The following SCN2A variants were observed in gnomAD, a reference collection of about 807,000 sequenced individuals.
SCN2A encodes the protein sodium channel protein type 2 subunit alpha.
In SCN2A, 20 loss-of-function variants were observed where a neutral mutation model predicts 188.7. The ratio of observed to expected loss-of-function variants is 0.11; its 90% CI spans 0.07 to 0.15. The LOEUF is 0.15. Among genes scored for constraint, SCN2A ranks in the 10% least tolerant of loss-of-function variants. The pLI is 1.00. For missense variants in SCN2A, 1,278 were observed against 2,445.0 expected, an observed-to-expected ratio of 0.52 and a Z score of 10.07; for synonymous variants, 804 against 833.1, an observed-to-expected ratio of 0.97 and a Z score of 0.60.
chr2:165,295,712 A>C, intron 1 of SCN2A, 61 bp from the exon 2 acceptor site: 1 of 1,482,730 alleles, frequency 6.7e-7, no homozygotes, highest in Non-Finnish European at 9.3e-7. Context: ...GTGTCATGTA[A>C]CTGACACAAT....
intron 8 of SCN2A, among the ~76,000 whole-genome samples, chr2:165,312,808 G>T (rs747427866): frequency 2.0e-5 from 3 of 152,118 alleles, no homozygotes; most frequent in Non-Finnish European, 4.4e-5. Context: ...ACACACAAAA[G>T]TCTAATGCAC....
chr2:165,370,169 C>A lies in SCN2A; in HGVS notation c.3719C>A (p.Thr1240Asn). 6.2e-7 allele frequency: 1 copy of A among 1,614,024 alleles called. No individual in the cohort carries two copies. The highest frequency in any genetic ancestry group is 8.5e-7 in the Non-Finnish European group (1 of 1,179,966). The stretch of plus-strand genomic sequence containing the variant: ...ATTGAGCAGCGAAAAACCATTAAGA[C>A]CATGTTAGAATATGCTGACAAGGTT... ...IYIEQRKTIK[T>N]MLEYADKVFT... Residue 1240 changes from threonine (T) to asparagine (N), a missense_variant, in exon 20 of 27, where the codon ACC becomes AAC. By Grantham distance (65) the Thr-to-Asn change is moderately conservative. Around this residue, in one of 17 missense-constraint regions of SCN2A, gnomAD observed 228 missense variants for 297.3 expected, o/e 0.77. Transcript: ENST00000375437.
chr2:165,345,432 C>T (rs552634045), intron 16 of SCN2A, among the ~76,000 whole-genome samples: 1 of 152,226 alleles, frequency 6.6e-6, no homozygotes, highest in South Asian at 2.1e-4. Context: ...GGATAGTTAG[C>T]TCTTCTTGTT....
At chr2:165,350,681 C>T (rs897583792) in intron 16 of SCN2A, among the ~76,000 whole-genome samples, 1 of 82,264 alleles carries the variant, frequency 1.2e-5, no homozygotes, top group African/African-American at 5.2e-5. Flanking sequence ...ACCGTTTTAG[C>T]CGGGATGGTC....
rs146529633 is a variant in SCN2A at position 165,356,381 on chromosome 2, T to A, written c.3399+1710T>A. Among the ~76,000 whole-genome samples, 592 of 152,302 alleles carry A rather than the reference T, an allele frequency of 3.9e-3. 6 individuals carry two copies. The East Asian group carries it at 0.049, about 13-fold the overall frequency. On this transcript the variant is annotated intron_variant, in intron 17 of 26. Coordinates refer to ENST00000375437, the MANE Select transcript of SCN2A (RefSeq NM_001040142.2). Reference sequence around the variant, plus strand: ...AAATTTTGAACAAGTGTTGTTACAATAGTTGGGTTATGCTGGAAGGGTGGA... The same window carrying A: ...AAATTTTGAACAAGTGTTGTTACAAAAGTTGGGTTATGCTGGAAGGGTGGA...
intron 17 of SCN2A, among the ~76,000 whole-genome samples, chr2:165,363,286 C>G (rs1311889764): frequency 7.9e-5 from 12 of 152,036 alleles, no homozygotes; most frequent in Admixed American, 7.9e-4. Context: ...TTTGCAGAAC[C>G]CTGAATATGG....
At chr2:165,254,157 A>G (rs1451677292) in intron 1 of SCN2A, among the ~76,000 whole-genome samples, 2 of 151,798 alleles carry the variant, frequency 1.3e-5, no homozygotes, top group African/African-American at 4.8e-5. Context: ...AGAATTTATT[A>G]TAATTTATAA....
At chr2:165,340,845 C>T (rs1411868265) in intron 14 of SCN2A, among the ~76,000 whole-genome samples, 3 of 152,058 alleles carry the variant, frequency 2.0e-5, no homozygotes. Flanking sequence ...AAAGGGCAAG[C>T]AAGCAAGATA....
intron 22 of SCN2A, among the ~76,000 whole-genome samples, chr2:165,377,167 G>C (rs1701358942): frequency 6.6e-6 from 1 of 151,934 alleles, no homozygotes; most frequent in African/African-American, 2.4e-5. Flanking sequence ...TTGGTGATTG[G>C]TGTAATAATC....
chr2:165,270,531 G>T, intron 1 of SCN2A: 1 of 151,484 alleles, frequency 6.6e-6, no homozygotes, highest in African/African-American at 2.4e-5. Context: ...ATTGACTTTC[G>T]GCATTGTATT....
chr2:165,259,123 T>G (rs1694462857), intron 1 of SCN2A, among the ~76,000 whole-genome samples: 1 of 152,264 alleles, frequency 6.6e-6, no homozygotes, highest in Non-Finnish European at 1.5e-5. Flanking sequence ...TACTATAGTT[T>G]ATTAAGTATG....
chr2:165,250,113 G>C (rs938573150), intron 1 of SCN2A, among the ~76,000 whole-genome samples: 1 of 151,974 alleles, frequency 6.6e-6, no homozygotes, highest in African/African-American at 2.4e-5. Context: ...TGGGTCATCT[G>C]TCATATTTAA....
chr2:165,276,827 C>G (rs1163922917), intron 1 of SCN2A, among the ~76,000 whole-genome samples: 1 of 152,184 alleles, frequency 6.6e-6, no homozygotes, highest in Admixed American at 6.5e-5. Flanking sequence ...CTGTGACCAC[C>G]TTCTGGATGT....
At chr2:165,240,659 C>CTGTGTG (rs35247335) in intron 1 of SCN2A, among the ~76,000 whole-genome samples, 4,515 of 136,386 alleles carry the variant, frequency 0.033, 147 homozygotes, top group East Asian at 0.073. Flanking sequence ...GTGGAAAGAG[C>CTGTGTG]TGTGTGTGTG....
chr2:165,294,054 A>T (rs1466739191), intron 1 of SCN2A: 167 of 482,368 alleles, frequency 3.5e-4, no homozygotes, highest in East Asian at 1.2e-3. Context: ...TTTTTTTTTT[A>T]AAGCATGATG....
intron 1 of SCN2A, chr2:165,269,340 G>C (rs1196096680): frequency 5.9e-5 from 9 of 151,946 alleles, no homozygotes; most frequent in Non-Finnish European, 1.3e-4. Flanking sequence ...ATGAAGCTTT[G>C]AGTAACATTT....
chr2:165,296,736 C>T (rs1377162005), intron 2 of SCN2A: 12 of 210,068 alleles, frequency 5.7e-5, no homozygotes, highest in Admixed American at 2.8e-4. Context: ...ATTATAAATG[C>T]GGTTTTAAAA....
Position 165,307,852 on chromosome 2 carries a change from T to C in SCN2A, c.391T>C (p.Phe131Leu). 1 of 1,606,376 alleles carries C rather than the reference T, an allele frequency of 6.2e-7. No individual in the cohort carries two copies. The highest frequency in any genetic ancestry group is 1.7e-5 in the Admixed American group (1 of 60,004). Reference sequence around the variant, plus strand: ...TCTTCCTTGACGATATTCTACTTTATTCAATATGCTCATTATGTGCACGAT... The same window carrying C: ...TCTTCCTTGACGATATTCTACTTTACTCAATATGCTCATTATGTGCACGAT... Reference protein sequence around the residue: ...LAIKILVHSLFNMLIMCTILT... With the variant: ...LAIKILVHSLLNMLIMCTILT... The change falls in exon 4 of 27, where the codon TTC (phenylalanine) becomes CTC (leucine). Residue 131 changes from phenylalanine to leucine, a missense_variant. This residue lies in a region of SCN2A where 141 missense variants were observed against 185.4 expected (regional missense o/e 0.76). Coordinates refer to ENST00000375437, the MANE Select transcript of SCN2A (RefSeq NM_001040142.2).
chr2:165,244,679 G>T (rs1446092652), intron 1 of SCN2A, among the ~76,000 whole-genome samples: 1 of 152,124 alleles, frequency 6.6e-6, no homozygotes, highest in Non-Finnish European at 1.5e-5. Context: ...ATAACATTTA[G>T]GGGGATAAAA....
Sources: allele counts gnomAD v4.1 joint callset (sites outside exome capture counted in the v4.1 genomes callset), GRCh38; gene constraint gnomAD v4.1.1; regional missense constraint gnomAD v4.1.1; transcripts MANE v1.5; gene names NCBI Gene and HGNC (gene_info 2026-07-23, HGNC 2026-07-21).